The following NTRK3 variants were observed in gnomAD, a reference collection of about 807,000 sequenced individuals.
The protein encoded by NTRK3 is NT-3 growth factor receptor.
NTRK3 carries 24 observed loss-of-function variants against 91.7 expected under a neutral mutation model. The ratio of observed to expected loss-of-function variants is 0.26; its 90% CI spans 0.19 to 0.37. The LOEUF is 0.37. NTRK3 is among the 10% of genes least tolerant of loss of function. The pLI is 1.00. For synonymous variants in NTRK3, 483 were observed against 404.0 expected (o/e 1.20, Z -2.34); for missense variants, 880 against 1,068.9 (o/e 0.82, Z 2.46).
chr15:87,980,749 G>A (rs1388387532), intron 14 of NTRK3, among the ~76,000 whole-genome samples: 4 of 152,270 alleles, frequency 2.6e-5, no homozygotes, highest in South Asian at 2.1e-4. Flanking sequence ...GTCATTTGGG[G>A]TGCTGGGACC....
At chr15:87,988,176 G>A (rs948907215) in intron 14 of NTRK3, among the ~76,000 whole-genome samples, 41 of 152,336 alleles carry the variant, frequency 2.7e-4, no homozygotes, top group Admixed American at 1.4e-3. Flanking sequence ...GTGAAGTGAT[G>A]AGAATGGCCT....
At position 88,190,165 on chromosome 15, in the gene NTRK3, C is replaced by T. The variant is rs75715514; in HGVS notation, c.249-5866G>A. Among the ~76,000 whole-genome samples the T allele has an allele frequency of 8.9e-3, 1,356 of 152,256 alleles. 24 individuals are homozygous for T. Among genetic ancestry groups the T allele is most frequent in the African/African-American group, 0.031 (1,277 of 41,532 alleles). On this transcript the variant is annotated intron_variant, in intron 3 of 18. Transcript: ENST00000394480. ...TTGCCTCATTTTTCTAAGCTTTTCC[C>T]GCTCCTCTCTGGCTGTCAGATTGCT...
chr15:88,119,622 T>C (rs766188142), intron 13 of NTRK3, among the ~76,000 whole-genome samples: 2 of 152,168 alleles, frequency 1.3e-5, no homozygotes, highest in African/African-American at 4.8e-5. Flanking sequence ...TACAGGATCA[T>C]GGCAAGGGCC....
At chr15:88,122,100 A>T (rs1344266504) in intron 13 of NTRK3, among the ~76,000 whole-genome samples, 1 of 152,258 alleles carries the variant, frequency 6.6e-6, no homozygotes, top group Non-Finnish European at 1.5e-5. Context: ...GAAATAAAGC[A>T]AGATGCAAGT....
chr15:88,070,264 C>T (rs1490854882), intron 13 of NTRK3, among the ~76,000 whole-genome samples: 1 of 152,072 alleles, frequency 6.6e-6, no homozygotes, highest in Non-Finnish European at 1.5e-5. Context: ...TGGGCAGTTT[C>T]CTTAGAGTTA....
chr15:88,084,700 C>A (rs568790343), intron 13 of NTRK3, among the ~76,000 whole-genome samples: 2 of 152,328 alleles, frequency 1.3e-5, no homozygotes, highest in East Asian at 3.9e-4. Context: ...AAAGACGTCC[C>A]CCTGCCCTCC....
At chr15:87,892,272 G>C (rs2065894973) in intron 17 of NTRK3, among the ~76,000 whole-genome samples, 1 of 152,134 alleles carries the variant, frequency 6.6e-6, no homozygotes. Context: ...CTGTTTGCAA[G>C]TTGGATAGTT....
exon 6 of NTRK3, chr15:88,147,349 C>T (rs376126497): frequency 3.7e-6 from 6 of 1,613,614 alleles, no homozygotes; most frequent in Non-Finnish European, 5.1e-6. Flanking sequence ...CCCGAAGACT[C>T]AGCGTCTGGA....
chr15:87,880,061 A>G (rs2065157436), intron 18 of NTRK3, among the ~76,000 whole-genome samples: 1 of 152,090 alleles, frequency 6.6e-6, no homozygotes, highest in African/African-American at 2.4e-5. Flanking sequence ...TAGACCTCTG[A>G]TTTCATGCTC....
chr15:88,072,293 C>A, intron 13 of NTRK3: 1 of 184,358 alleles, frequency 5.4e-6, no homozygotes, highest in East Asian at 8.8e-5. Flanking sequence ...CATAAGCTAC[C>A]GCGCCTGGCC....
At chr15:87,892,761 T>G (rs2141583522) in intron 17 of NTRK3, among the ~76,000 whole-genome samples, 1 of 152,258 alleles carries the variant, frequency 6.6e-6, no homozygotes, top group Middle Eastern at 3.4e-3. Flanking sequence ...TCACAGTAAA[T>G]TATGATAGAG....
chr15:88,253,353 C>T (rs2053630864), intron 3 of NTRK3: 1 of 152,310 alleles, frequency 6.6e-6, no homozygotes, highest in South Asian at 2.1e-4. Flanking sequence ...TTCCAGCCTG[C>T]TCCATATGCA....
chr15:88,011,342 T>C (rs953367723), intron 14 of NTRK3, among the ~76,000 whole-genome samples: 1 of 152,274 alleles, frequency 6.6e-6, no homozygotes, highest in South Asian at 2.1e-4. Context: ...TTTAAGAAAG[T>C]TTATCTGGGA....
At chr15:88,151,889 G>A (rs1372057843) in intron 5 of NTRK3, among the ~76,000 whole-genome samples, 1 of 152,186 alleles carries the variant, frequency 6.6e-6, no homozygotes, top group Non-Finnish European at 1.5e-5. Context: ...TGCCTCACCT[G>A]TGTACTCCCA....
chr15:88,152,358 T>G (rs929373983), intron 5 of NTRK3, among the ~76,000 whole-genome samples: 1 of 152,150 alleles, frequency 6.6e-6, no homozygotes, highest in African/African-American at 2.4e-5. Context: ...GTGTCTGTAT[T>G]TGGAGATGGG....
chr15:87,864,740 G>C (rs1381357571), exon 19 of NTRK3: 2 of 229,248 alleles, frequency 8.7e-6, no homozygotes, highest in Admixed American at 5.7e-5. Context: ...CTAAAAAACA[G>C]ACACCAGCAA....
chr15:87,920,812 G>A (rs981220375), intron 17 of NTRK3, among the ~76,000 whole-genome samples: 4 of 152,102 alleles, frequency 2.6e-5, no homozygotes, highest in African/African-American at 9.7e-5. Flanking sequence ...GAGAGACTGT[G>A]GGCAATGGGG....
chr15:87,908,286 A>G (rs2141711683), intron 17 of NTRK3, among the ~76,000 whole-genome samples: 1 of 152,144 alleles, frequency 6.6e-6, no homozygotes, highest in Non-Finnish European at 1.5e-5. Flanking sequence ...CTGTCTCCCC[A>G]TGAGACATCC....
intron 13 of NTRK3, chr15:88,098,571 C>G (rs1019864670): frequency 8.7e-6 from 2 of 229,736 alleles, no homozygotes; most frequent in Non-Finnish European, 1.7e-5. Context: ...AATGCAGTTT[C>G]TTTTCTTGAG....
Sources: gnomAD v4.1 joint callset for allele counts (sites outside exome capture counted in the v4.1 genomes callset) on GRCh38, gnomAD v4.1.1 for gene constraint, MANE v1.5 for transcripts, NCBI Gene and HGNC (gene_info 2026-07-23, HGNC 2026-07-21) for gene names.